Variants in HYPK observed in about 807,000 individuals in gnomAD.
The protein encoded by HYPK is huntingtin interacting protein K, also known as huntingtin-interacting protein K.
HYPK carries 9 observed loss-of-function variants against 13.9 expected under a neutral mutation model. The observed-to-expected ratio is 0.65, with a 90% CI of 0.39 to 1.13. The LOEUF is 1.13. HYPK is among the 50% of genes most tolerant of loss of function. HYPK has a pLI of 0.01. For missense variants in HYPK, 138 were observed against 157.6 expected (o/e 0.88, Z 0.67); for synonymous variants, 76 against 57.0 (o/e 1.33, Z -1.50).
chr15:43,801,155 A>G lies in HYPK; in HGVS notation c.186A>G (p.Arg62=), dbSNP rs200371243. 1 of 1,613,990 alleles carries G rather than the reference A, an allele frequency of 6.2e-7. No homozygotes were observed. Among genetic ancestry groups the G allele is most frequent in the Non-Finnish European group, 8.5e-7 (1 of 1,179,944 alleles). The stretch of plus-strand genomic sequence containing the variant: ...AGGCCATGTCTGTGATTGGAGACAG[A>G]AGGTCCCGGGAGCAGAAAGCCAAAC... The part of the protein sequence containing the change: ...LETAMSVIGD[R]RSREQKAKQE... Residue 62 remains arginine, a synonymous_variant, in exon 2 of 4, where the codon AGA becomes AGG. Coordinates refer to ENST00000442995, the MANE Select transcript of HYPK (RefSeq NM_016400.4).
rs1319645318 is a variant in HYPK at position 43,800,894 on chromosome 15, G to A, written c.162+110G>A. The A allele has an allele frequency of 1.1e-5, 12 of 1,128,530 alleles. No homozygotes were observed. The East Asian group carries it at 2.5e-4, about 24-fold the overall frequency. The allele number at this position is 1,128,530 out of a possible 1,614,324, so 69.9% of individuals were successfully genotyped here. ...GGGGTTCTGATCCCGTTGGCAGGAG[G>A]AGGCAATAGGGTAGAGCCGAGGGAA... On this transcript the variant is annotated intron_variant, in intron 1 of 3. Transcript: ENST00000442995.
chr15:43,804,302 C>T lies in HYPK; in HGVS notation c.*2496C>T, dbSNP rs2087347511. Among the ~76,000 whole-genome samples the T allele has an allele frequency of 6.6e-6, 1 of 152,110 alleles. No individual in the cohort carries two copies. ...CCACCTCATAGTAATTATTTGCATT[C>T]ATTTTTATCGTACGACACTAAACTA... On this transcript the variant is annotated 3_prime_UTR_variant, in exon 4 of 4. Transcript: ENST00000442995.
chr15:43,804,062 A>AG lies in HYPK; in HGVS notation c.*2257dup, dbSNP rs1272949401. 6.6e-6 allele frequency among the ~76,000 whole-genome samples: 1 copy of AG among 151,998 alleles called. No homozygotes were observed. The highest frequency in any genetic ancestry group is 2.4e-5 in the African/African-American group (1 of 41,378). On this transcript the variant is annotated 3_prime_UTR_variant, in exon 4 of 4. Coordinates refer to ENST00000442995, the MANE Select transcript of HYPK (RefSeq NM_016400.4). The stretch of plus-strand genomic sequence containing the variant: ...GCTACTCGGGAGGCTGAGGCACTCT[A>AG]GCCTGGGCAACAGAGCCGTCTCTTT...
In HYPK at chr15:43,804,058, C is replaced by T. The variant is rs137944212; in HGVS notation, c.*2252C>T. ...CCCAGCTACTCGGGAGGCTGAGGCA[C>T]TCTAGCCTGGGCAACAGAGCCGTCT... On this transcript the variant is annotated 3_prime_UTR_variant, in exon 4 of 4. Transcript: ENST00000442995. Among the ~76,000 whole-genome samples the T allele has an allele frequency of 5.5e-4, 83 of 152,024 alleles. 1 individual carries two copies. In the East Asian group the frequency reaches 0.016, roughly 28 times the overall value.
chr15:43,801,891 C>A lies in HYPK; in HGVS notation c.*85C>A. 9.5e-7 allele frequency: 1 copy of A among 1,057,722 alleles called. No homozygotes were observed. Among genetic ancestry groups the A allele is most frequent in the South Asian group, 1.3e-5 (1 of 76,892 alleles). 65.5% of individuals were successfully genotyped at this position (1,057,722 alleles called of 1,614,324 possible). A position where few individuals can be genotyped will look rare whatever the true frequency, so the allele number is the denominator to read the frequency against. On this transcript the variant is annotated 3_prime_UTR_variant, in exon 4 of 4. Transcript: ENST00000442995. ...CTTTTTCAGTTTTATCATCTTGGGT[C>A]AAGTAGAGTGTATACTATATCCTAT...
exon 1 of HYPK, chr15:43,800,580 TCGGCGTGAGGTGGGGCTTATGCGG>T (rs768498796): frequency 1.1e-5 from 17 of 1,612,716 alleles, no homozygotes; most frequent in South Asian, 1.8e-4. Context: ...TTGCCGGAAG[TCGGCGTGAGGTGGGGCTTATGCGG>T]CGGCGTGGTG....
chr15:43,802,569 C>CAAAAAAAAAAAAAAAAAAA lies in HYPK; in HGVS notation c.*767_*785dup, dbSNP rs34069133. ...TGGGGGAAAGAGTGAAACTCCATCTCAAAAAAAAAAAAAAAAAAAAAAGCC... is the reference window on the plus strand; with the variant it reads ...TGGGGGAAAGAGTGAAACTCCATCTCAAAAAAAAAAAAAAAAAAAAAAAAAAAAAAAAAAAAAAAAAGCC... On this transcript the variant is annotated 3_prime_UTR_variant, in exon 4 of 4. Transcript: ENST00000442995. 6.6e-4 allele frequency: 19 copies of CAAAAAAAAAAAAAAAAAAA among 28,960 alleles called. 1 individual carries two copies. Among genetic ancestry groups the CAAAAAAAAAAAAAAAAAAA allele is most frequent in the African/African-American group, 1.4e-3 (8 of 5,646 alleles). 1.8% of individuals were successfully genotyped at this position (28,960 alleles called of 1,614,324 possible). A position where few individuals can be genotyped will look rare whatever the true frequency, so the allele number is the denominator to read the frequency against.
upstream of HYPK, chr15:43,800,500 A>G: frequency 7.6e-7 from 1 of 1,310,548 alleles, no homozygotes; most frequent in Non-Finnish European, 1.1e-6. Context: ...TGAAGCTTCT[A>G]GAACTGGAGC....
chr15:43,801,230 C>G (rs750232451), intron 2 of HYPK, 43 bp downstream of exon 2: 1 of 1,516,106 alleles, frequency 6.6e-7, no homozygotes, highest in African/African-American at 1.4e-5. Context: ...TCTTCCCTCC[C>G]CGGTCCCCAG....
rs962934554 is a variant in HYPK, at chr15:43,803,639, A to C, written c.*1833A>C. Reference sequence around the variant, plus strand: ...ACCCCATCTCTACTAAAAGTACAAAAAAAAATTAGCTGGGTGTGGTGGTGG... The same window carrying C: ...ACCCCATCTCTACTAAAAGTACAAACAAAAATTAGCTGGGTGTGGTGGTGG... On this transcript the variant is annotated 3_prime_UTR_variant, in exon 4 of 4. Transcript: ENST00000442995. Among the ~76,000 whole-genome samples the C allele has an allele frequency of 6.6e-6, 1 of 151,992 alleles. No homozygotes were observed. The highest frequency in any genetic ancestry group is 2.4e-5 in the African/African-American group (1 of 41,376).
chr15:43,801,417 T>C, intron 2 of HYPK, 101 bp from the exon 3 acceptor site: 1 of 1,054,890 alleles, frequency 9.5e-7, no homozygotes, highest in East Asian at 2.4e-5. Flanking sequence ...AATCAAGGGT[T>C]TATCAAGATT....
At position 43,800,799 on chromosome 15, in the gene HYPK, G is replaced by A; in HGVS notation, c.162+15G>A. On this transcript the variant is annotated intron_variant, in intron 1 of 3. Coordinates refer to ENST00000442995, the MANE Select transcript of HYPK (RefSeq NM_016400.4). ...ATCTGGAGACGGTAAGGTTGGCCAA[G>A]AGCATGTCGGGGCGGGCTGAGAGCA... 6.3e-7 allele frequency: 1 copy of A among 1,596,812 alleles called. No individual in the cohort carries two copies. The highest frequency in any genetic ancestry group is 8.5e-7 in the Non-Finnish European group (1 of 1,169,626).
At position 43,801,699 on chromosome 15, in the gene HYPK, T is replaced by A. The variant is rs562727285; in HGVS notation, c.271-12T>A. 6.2e-6 allele frequency: 10 copies of A among 1,614,106 alleles called. No homozygotes were observed. Among genetic ancestry groups the A allele is most frequent in the Middle Eastern group, 1.6e-4 (1 of 6,062 alleles). On this transcript the variant is annotated splice_polypyrimidine_tract_variant and intron_variant, in intron 3 of 3. Transcript: ENST00000442995. ...TGCCTGGGAACCTATGTAACATGATTTTTTTCTGCAGATGACTGAGATGGA... is the reference window on the plus strand; with the variant it reads ...TGCCTGGGAACCTATGTAACATGATATTTTTCTGCAGATGACTGAGATGGA...
At position 43,801,990 on chromosome 15, in the gene HYPK, A is replaced by G. The variant is rs1393833556; in HGVS notation, c.*184A>G. On this transcript the variant is annotated 3_prime_UTR_variant, in exon 4 of 4. Transcript: ENST00000442995. Reference sequence around the variant, plus strand: ...TTAAAATCTAGCACACCTGTATGAAAAATCAGTGTAGAAGAATACCTCATG... The same window carrying G: ...TTAAAATCTAGCACACCTGTATGAAGAATCAGTGTAGAAGAATACCTCATG... The G allele has an allele frequency of 1.7e-6, 1 of 603,222 alleles. No individual in the cohort carries two copies. The highest frequency in any genetic ancestry group is 2.0e-5 in the South Asian group (1 of 49,494). The allele number at this position is 603,222 out of a possible 1,614,324, so 37.4% of individuals were successfully genotyped here. A position where few individuals can be genotyped will look rare whatever the true frequency, so the allele number is the denominator to read the frequency against.
intron 1 of HYPK, 118 bp from the exon 2 acceptor site, chr15:43,801,014 T>A (rs1345316990): frequency 1.0e-6 from 1 of 972,898 alleles, no homozygotes. Context: ...ACATAGTCCT[T>A]GCTACCTGGT....
upstream of HYPK, chr15:43,800,496 T>C (rs1567173299): frequency 3.1e-6 from 4 of 1,288,954 alleles, no homozygotes; most frequent in Non-Finnish European, 4.4e-6. Flanking sequence ...TCCCTGAAGC[T>C]TCTAGAACTG....
rs138656038 is a variant in HYPK, at chr15:43,801,776, G to C, written c.336G>C (p.Val112=). The change falls in exon 4 of 4, where the codon GTG becomes GTC. Residue 112 remains valine, a synonymous_variant. Coordinates refer to ENST00000442995, the MANE Select transcript of HYPK (RefSeq NM_016400.4). ...ERSLREHMGN[V]VEALIALTN is the part of the protein sequence containing the mutation. Reference sequence around the variant, plus strand: ...GTTTGCGGGAACACATGGGCAACGTGGTAGAGGCGCTTATTGCCCTAACCA... The same window carrying C: ...GTTTGCGGGAACACATGGGCAACGTCGTAGAGGCGCTTATTGCCCTAACCA... 1.1e-5 allele frequency: 18 copies of C among 1,614,186 alleles called. No homozygotes were observed. The East Asian group carries it at 4.0e-4, about 36-fold the overall frequency.
rs949371440 is a variant in HYPK, at chr15:43,803,660, G to A, written c.*1854G>A. On this transcript the variant is annotated 3_prime_UTR_variant, in exon 4 of 4. Transcript: ENST00000442995. ...CAAAAAAAAATTAGCTGGGTGTGGT[G>A]GTGGACGCCTGTAATTCCAGCTACT... Among the ~76,000 whole-genome samples, 1 of 151,898 alleles carries A rather than the reference G, an allele frequency of 6.6e-6. No homozygotes were observed. Among genetic ancestry groups the A allele is most frequent in the African/African-American group, 2.4e-5 (1 of 41,308 alleles).
At position 43,801,858 on chromosome 15, in the gene HYPK, T is replaced by C; in HGVS notation, c.*52T>C. On this transcript the variant is annotated 3_prime_UTR_variant, in exon 4 of 4. Coordinates refer to ENST00000442995, the MANE Select transcript of HYPK (RefSeq NM_016400.4). Reference sequence around the variant, plus strand: ...GGATTAATTTATGGCAATAAAATTTTTTTTTGTCTTTTTCAGTTTTATCAT... The same window carrying C: ...GGATTAATTTATGGCAATAAAATTTCTTTTTGTCTTTTTCAGTTTTATCAT... 6.6e-7 allele frequency: 1 copy of C among 1,515,300 alleles called. No homozygotes were observed. Among genetic ancestry groups the C allele is most frequent in the Non-Finnish European group, 9.1e-7 (1 of 1,093,852 alleles). The allele number at this position is 1,515,300 out of a possible 1,614,324, so 93.9% of individuals were successfully genotyped here.
Sources: allele counts gnomAD v4.1 joint callset (sites outside exome capture counted in the v4.1 genomes callset), GRCh38; gene constraint gnomAD v4.1.1; transcripts MANE v1.5; gene names NCBI Gene and HGNC (gene_info 2026-07-23, HGNC 2026-07-21).